The following GRID1 variants were observed in gnomAD, a reference collection of about 807,000 sequenced individuals.
GRID1 encodes the protein glutamate receptor ionotropic, delta-1.
A neutral mutation model predicts 98.0 loss-of-function variants in GRID1; 28 were observed. That is an observed-to-expected ratio of 0.29 (90% CI 0.21 to 0.39). GRID1 has a LOEUF of 0.39. GRID1 is among the 10% of genes least tolerant of loss of function. The probability of loss-of-function intolerance (pLI) is 1.00; values close to 1 mark genes in which losing one functional copy is unlikely to be tolerated. For synonymous variants in GRID1, 553 were observed against 538.5 expected (o/e 1.03, Z -0.37); for missense variants, 1,111 against 1,340.5 (o/e 0.83, Z 2.67).
At chr10:86,012,228 G>C (rs1842930310) in intron 4 of GRID1, among the ~76,000 whole-genome samples, 1 of 152,156 alleles carries the variant, frequency 6.6e-6, no homozygotes, top group African/African-American at 2.4e-5. Flanking sequence ...CAAAGATGAG[G>C]GGAGTGCTAG....
At chr10:85,925,406 C>T (rs1220682020) in intron 4 of GRID1, among the ~76,000 whole-genome samples, 1 of 152,150 alleles carries the variant, frequency 6.6e-6, no homozygotes. Flanking sequence ...TTATGCCCAC[C>T]CTGGTTTGGC....
In GRID1 at chr10:85,609,093, A is replaced by G. The variant is rs376307687; in HGVS notation, c.2601+4314T>C. Among the ~76,000 whole-genome samples the G allele has an allele frequency of 4.8e-4, 73 of 152,276 alleles. No homozygotes were observed. In the East Asian group the frequency reaches 0.012, roughly 25 times the overall value. On this transcript the variant is annotated intron_variant, in intron 15 of 15. Transcript: ENST00000327946. ...ATGGGCTCATGCACATACCCAGAGGAAAGGACAGTGCCCTGGCCTTTTGAC... is the reference window on the plus strand; with the variant it reads ...ATGGGCTCATGCACATACCCAGAGGGAAGGACAGTGCCCTGGCCTTTTGAC...
intron 5 of GRID1, among the ~76,000 whole-genome samples, chr10:85,901,457 C>T (rs1462715058): frequency 2.6e-5 from 4 of 152,034 alleles, no homozygotes; most frequent in African/African-American, 9.7e-5. Context: ...ACCGTGTTAG[C>T]CAGGATGGTC....
At chr10:86,030,235 T>C (rs1399941419) in intron 4 of GRID1, among the ~76,000 whole-genome samples, 1 of 152,206 alleles carries the variant, frequency 6.6e-6, no homozygotes, top group Non-Finnish European at 1.5e-5. Context: ...GGTAAATGCT[T>C]TTCCTAAAGA....
At chr10:85,696,829 A>G (rs1256280485) in intron 12 of GRID1, among the ~76,000 whole-genome samples, 1 of 152,046 alleles carries the variant, frequency 6.6e-6, no homozygotes, top group Non-Finnish European at 1.5e-5. Context: ...GTATTAGATA[A>G]ACATTTAGCT....
chr10:86,073,593 C>G (rs1218713696), intron 4 of GRID1, among the ~76,000 whole-genome samples: 1 of 152,214 alleles, frequency 6.6e-6, no homozygotes, highest in East Asian at 1.9e-4. Flanking sequence ...GGGCCCGGCC[C>G]TGCTGGCAGG....
At chr10:85,633,419 G>A (rs76533077) in intron 13 of GRID1, among the ~76,000 whole-genome samples, 4,215 of 152,220 alleles carry the variant, frequency 0.028, 84 homozygotes, top group African/African-American at 0.054. Flanking sequence ...TTAACGGAGC[G>A]TTTGACTTTA....
At chr10:85,975,938 G>T (rs1430547813) in intron 4 of GRID1, among the ~76,000 whole-genome samples, 1 of 151,982 alleles carries the variant, frequency 6.6e-6, no homozygotes, top group Non-Finnish European at 1.5e-5. Context: ...CTGTCATTTA[G>T]AACTAGCGTG....
intron 2 of GRID1, among the ~76,000 whole-genome samples, chr10:86,303,815 A>G (rs1847722538): frequency 6.6e-6 from 1 of 152,206 alleles, no homozygotes; most frequent in Non-Finnish European, 1.5e-5. Flanking sequence ...AGACGCCAGC[A>G]GGGCTCGTCC....
At chr10:86,029,956 G>T (rs1843163511) in intron 4 of GRID1, among the ~76,000 whole-genome samples, 1 of 152,210 alleles carries the variant, frequency 6.6e-6, no homozygotes, top group Non-Finnish European at 1.5e-5. Context: ...TGCAGGAATT[G>T]CTATACTTAC....
chr10:85,712,810 T>C (rs563272948), intron 12 of GRID1, among the ~76,000 whole-genome samples: 1 of 151,598 alleles, frequency 6.6e-6, no homozygotes, highest in Non-Finnish European at 1.5e-5. Context: ...AACACATCCC[T>C]GAAACAACAA....
chr10:86,125,156 G>T (rs1229362902), intron 4 of GRID1, among the ~76,000 whole-genome samples: 1 of 152,230 alleles, frequency 6.6e-6, no homozygotes, highest in East Asian at 1.9e-4. Context: ...AGACAATCTG[G>T]CAGTCGAACA....
intron 11 of GRID1, 69 bp downstream of exon 11, chr10:85,724,283 A>T: frequency 8.1e-7 from 1 of 1,238,034 alleles, no homozygotes; most frequent in East Asian, 2.4e-5. Context: ...TGCACCTGAG[A>T]ACTTTGCCAA....
At chr10:85,943,384 T>C (rs1002438104) in intron 4 of GRID1, among the ~76,000 whole-genome samples, 6 of 151,994 alleles carry the variant, frequency 3.9e-5, no homozygotes, top group African/African-American at 1.5e-4. Flanking sequence ...TAATAAAATA[T>C]CTATACTGGG....
At chr10:86,324,118 G>A (rs1466985491) in intron 2 of GRID1, among the ~76,000 whole-genome samples, 1 of 152,058 alleles carries the variant, frequency 6.6e-6, no homozygotes, top group Admixed American at 6.6e-5. Context: ...CGCAGAGATT[G>A]CAGTGAGCCG....
Position 85,684,506 on chromosome 10 carries a change from T to C in GRID1, c.1998-37109A>G, listed in dbSNP as rs191727779. On this transcript the variant is annotated intron_variant, in intron 12 of 15. Transcript: ENST00000327946. ...AAAACTATAATCATCTTCACAGATA[T>C]AGAAAAAGCATTTTATAAAATGTAA... 5.9e-5 allele frequency among the ~76,000 whole-genome samples: 9 copies of C among 152,322 alleles called. No homozygotes were observed. In the South Asian group the frequency reaches 1.5e-3, roughly 25 times the overall value.
intron 3 of GRID1, among the ~76,000 whole-genome samples, chr10:86,194,508 C>T (rs1845846714): frequency 6.6e-6 from 1 of 152,102 alleles, no homozygotes; most frequent in African/African-American, 2.4e-5. Context: ...CCTTTACTCA[C>T]CTCAAGAGAG....
Position 85,619,891 on chromosome 10 carries a change from G to T in GRID1, c.2336C>A (p.Pro779His), listed in dbSNP as rs1366433081. 1.2e-6 allele frequency: 2 copies of T among 1,614,128 alleles called. No homozygotes were observed. Among genetic ancestry groups the T allele is most frequent in the South Asian group, 1.1e-5 (1 of 91,088 alleles). Residue 779 changes from proline to histidine, a missense_variant, in exon 14 of 16, where the codon CCC becomes CAC. Pro to His is a moderately conservative substitution (Grantham distance 77). Around this residue, in one of 3 missense-constraint regions of GRID1, gnomAD observed 762 missense variants for 869.1 expected, o/e 0.88. Coordinates refer to ENST00000327946, the MANE Select transcript of GRID1 (RefSeq NM_017551.3). ...CCTCTGGGAGAAGAGGTCCCTGTAG[G>T]GGCTGCCATGCTGCAGGGCAATCCC... The part of the protein sequence containing the change: ...GYGIALQHGS[P>H]YRDLFSQRIL...
chr10:85,746,808 CATG>C (rs1842001635), intron 8 of GRID1, among the ~76,000 whole-genome samples: 2 of 152,052 alleles, frequency 1.3e-5, no homozygotes, highest in African/African-American at 4.8e-5. Flanking sequence ...TAAAATAAAA[CATG>C]ATGAATATTA....
Sources: gnomAD v4.1 joint callset for allele counts (sites outside exome capture counted in the v4.1 genomes callset) on GRCh38, gnomAD v4.1.1 for gene constraint, gnomAD v4.1.1 regional missense constraint, MANE v1.5 for transcripts, NCBI Gene and HGNC (gene_info 2026-07-23, HGNC 2026-07-21) for gene names.